The following GPHN variants were observed in gnomAD, a reference collection of about 807,000 sequenced individuals.
The protein encoded by GPHN is gephyrin.
In GPHN, 17 loss-of-function variants were observed where a neutral mutation model predicts 95.5. That is an observed-to-expected ratio of 0.18 (90% CI 0.12 to 0.27). The LOEUF (loss-of-function observed/expected upper bound fraction) is 0.27, where lower values mean the gene tolerates loss of function less well. Ranked by LOEUF, GPHN falls within the 10% of genes least tolerant of loss-of-function variation. The probability of loss-of-function intolerance (pLI) is 1.00; values close to 1 mark genes in which losing one functional copy is unlikely to be tolerated. For synonymous variants in GPHN, 320 were observed against 322.5 expected, an observed-to-expected ratio of 0.99 and a Z score of 0.08; for missense variants, 660 against 978.1, an observed-to-expected ratio of 0.67 and a Z score of 4.34.
At chr14:67,289,546 T>A in the GPHN span, among the ~76,000 whole-genome samples, 1 of 152,100 alleles carries the variant, frequency 6.6e-6, no homozygotes, top group South Asian at 2.1e-4. Context: ...TAAGGAAGAC[T>A]AAATATATAT....
At chr14:66,878,589 T>G (rs1163922079) in intron 4 of GPHN, among the ~76,000 whole-genome samples, 1 of 152,164 alleles carries the variant, frequency 6.6e-6, no homozygotes, top group Non-Finnish European at 1.5e-5. Context: ...AAGACAGTTA[T>G]GCAGCCAACA....
At chr14:66,568,194 G>A (rs182475115) in intron 1 of GPHN, among the ~76,000 whole-genome samples, 1 of 152,146 alleles carries the variant, frequency 6.6e-6, no homozygotes, top group East Asian at 1.9e-4. Context: ...AAAATTTGTA[G>A]AATGTTAATG....
intron 2 of GPHN, among the ~76,000 whole-genome samples, chr14:66,748,027 A>G (rs1308727990): frequency 3.9e-5 from 6 of 152,060 alleles, no homozygotes; most frequent in Non-Finnish European, 5.9e-5. Flanking sequence ...ATAATGGAAT[A>G]TGGTACGTCC....
intron 1 of GPHN, among the ~76,000 whole-genome samples, chr14:66,524,670 C>G (rs923019755): frequency 3.9e-5 from 6 of 152,008 alleles, no homozygotes; most frequent in Admixed American, 2.0e-4. Context: ...CCGACAGGCC[C>G]CAGTGTATGA....
Position 66,842,602 on chromosome 14 carries a change from T to C in GPHN, c.294+18036T>C. 4 of 1,010,320 alleles carry C rather than the reference T, an allele frequency of 4.0e-6. No homozygotes were observed. In the South Asian group the frequency reaches 5.5e-5, roughly 14 times the overall value. 62.6% of individuals were successfully genotyped at this position (1,010,320 alleles called of 1,614,324 possible). On this transcript the variant is annotated intron_variant, in intron 4 of 22. Transcript: ENST00000478722. ...GTTCTTATTTCCCTGAACCAGTTTG[T>C]ACAGCCCTAAATTTGACCTGCTTTC...
At chr14:67,551,854 C>T in the GPHN span, among the ~76,000 whole-genome samples, 4 of 151,582 alleles carry the variant, frequency 2.6e-5, no homozygotes, top group African/African-American at 4.8e-5. Context: ...CCAGCCTGGG[C>T]GACACAGTGA....
At chr14:66,660,693 G>A (rs1309465532) in intron 1 of GPHN, among the ~76,000 whole-genome samples, 4 of 152,168 alleles carry the variant, frequency 2.6e-5, no homozygotes, top group East Asian at 1.9e-4. Flanking sequence ...AGAGAGGAAC[G>A]AAAGGGACGA....
At chr14:67,378,953 T>C in the GPHN span, among the ~76,000 whole-genome samples, 3 of 152,270 alleles carry the variant, frequency 2.0e-5, no homozygotes, top group Non-Finnish European at 4.4e-5. Context: ...TATCATTTTT[T>C]ATTTAAAATG....
chr14:66,865,670 T>G (rs186954109), intron 4 of GPHN, among the ~76,000 whole-genome samples: 2 of 152,164 alleles, frequency 1.3e-5, no homozygotes, highest in African/African-American at 4.8e-5. Flanking sequence ...GCATTTATTG[T>G]TCCTGATTTG....
the GPHN span, among the ~76,000 whole-genome samples, chr14:67,415,724 AC>A: frequency 6.6e-6 from 1 of 152,220 alleles, no homozygotes; most frequent in East Asian, 1.9e-4. Flanking sequence ...CATGGAATCA[AC>A]CCAAATGCCC....
At chr14:67,562,726 G>A in the GPHN span, 1 of 1,613,568 alleles carries the variant, frequency 6.2e-7, no homozygotes, top group East Asian at 2.2e-5. Context: ...CTGAGCTGGA[G>A]TCCCGAGCTA....
the GPHN span, chr14:67,571,811 C>T: frequency 2.5e-6 from 4 of 1,613,942 alleles, no homozygotes; most frequent in Non-Finnish European, 3.4e-6. Flanking sequence ...CTGACGATGA[C>T]TGCAGCTCTC....
intron 1 of GPHN, among the ~76,000 whole-genome samples, chr14:66,555,554 A>G (rs537974926): frequency 6.6e-6 from 1 of 152,114 alleles, no homozygotes; most frequent in African/African-American, 2.4e-5. Flanking sequence ...ATGTAGAAAG[A>G]TGGATTTCAT....
chr14:67,417,474 C>G, the GPHN span, among the ~76,000 whole-genome samples: 1 of 152,166 alleles, frequency 6.6e-6, no homozygotes, highest in Non-Finnish European at 1.5e-5. Context: ...CTCTGTTGCC[C>G]AGGCTGGAGT....
intron 1 of GPHN, among the ~76,000 whole-genome samples, chr14:66,573,198 T>C (rs890372461): frequency 1.3e-5 from 2 of 152,218 alleles, no homozygotes; most frequent in African/African-American, 4.8e-5. Context: ...TCTGTGTATA[T>C]CTGTGAGGTC....
chr14:67,125,282 A>T (rs886489995), intron 17 of GPHN, among the ~76,000 whole-genome samples: 1 of 152,194 alleles, frequency 6.6e-6, no homozygotes, highest in Non-Finnish European at 1.5e-5. Context: ...TTTAGCAAAG[A>T]AAACAAGGTA....
chr14:67,361,312 A>G, the GPHN span, among the ~76,000 whole-genome samples: 3 of 152,204 alleles, frequency 2.0e-5, no homozygotes, highest in Non-Finnish European at 4.4e-5. Flanking sequence ...ATCTCTGTCA[A>G]TAGTTTGGGG....
chr14:66,909,284 C>A (rs2065549342), intron 5 of GPHN, among the ~76,000 whole-genome samples: 1 of 151,956 alleles, frequency 6.6e-6, no homozygotes, highest in African/African-American at 2.4e-5. Context: ...TTAAATTGTT[C>A]CTGAGTGTAG....
the GPHN span, among the ~76,000 whole-genome samples, chr14:67,610,110 GC>G: frequency 0.033 from 5,007 of 151,322 alleles, 242 homozygotes; most frequent in African/African-American, 0.11. Flanking sequence ...GTTGCCAGCG[GC>G]GGGGCAGAGG....
Sources: gnomAD v4.1 joint callset for allele counts (sites outside exome capture counted in the v4.1 genomes callset) on GRCh38, gnomAD v4.1.1 for gene constraint, MANE v1.5 for transcripts, NCBI Gene and HGNC (gene_info 2026-07-23, HGNC 2026-07-21) for gene names.